The following EME2 variants were observed in gnomAD, a reference collection of about 807,000 sequenced individuals.
EME2 encodes essential meiotic structure-specific endonuclease subunit 2, also known as structure-specific endonuclease subunit EME2.
EME2 carries 58 observed loss-of-function variants against 41.9 expected under a neutral mutation model. That is an observed-to-expected ratio of 1.38 (90% confidence interval 1.12 to 1.72). The LOEUF is 1.72. EME2 is among the 40% of genes most tolerant of loss of function. The pLI, the probability that EME2 is intolerant of heterozygous loss-of-function variation, is 0.00. For missense variants in EME2, 695 were observed against 541.9 expected, an observed-to-expected ratio of 1.28 and a Z score of -2.81; for synonymous variants, 334 against 239.3, an observed-to-expected ratio of 1.40 and a Z score of -3.65.
At position 1,776,968 on chromosome 16, in the gene EME2, G is replaced by T. The variant is rs1402515814; in HGVS notation, c.*730G>T. On this transcript the variant is annotated 3_prime_UTR_variant, in exon 8 of 8. Transcript: ENST00000568449. ...GACTGTCCCAGCCTCGGGAGCAAGA[G>T]ATGGCTCCCTCCGGACGGGCCTCAT... The T allele has an allele frequency of 2.8e-6, 3 of 1,066,518 alleles. No individual in the cohort carries two copies. The highest frequency in any genetic ancestry group is 2.7e-6 in the Non-Finnish European group (2 of 748,034). The allele number at this position is 1,066,518 out of a possible 1,614,324, so 66.1% of individuals were successfully genotyped here. A position where few individuals can be genotyped will look rare whatever the true frequency, so the allele number is the denominator to read the frequency against.
chr16:1,777,650 C>A lies in EME2; in HGVS notation c.*1412C>A. 1.9e-6 allele frequency: 3 copies of A among 1,551,252 alleles called. No individual in the cohort carries two copies. The highest frequency in any genetic ancestry group is 2.6e-6 in the Non-Finnish European group (3 of 1,148,194). ...GGGGCCTCAGGCTTCTGGGAGGAAC[C>A]CTTTCAGAAAACCTCAGTGTCCCCT... On this transcript the variant is annotated 3_prime_UTR_variant, in exon 8 of 8. Transcript: ENST00000568449.
Position 1,778,602 on chromosome 16 carries a change from G to C in EME2, c.*2364G>C, listed in dbSNP as rs552854113. 10 of 1,559,554 alleles carry C rather than the reference G, an allele frequency of 6.4e-6. No individual in the cohort carries two copies. The South Asian group carries it at 1.2e-4, about 18-fold the overall frequency. On this transcript the variant is annotated 3_prime_UTR_variant, in exon 8 of 8. Coordinates refer to ENST00000568449, the MANE Select transcript of EME2 (RefSeq NM_001257370.2). The stretch of plus-strand genomic sequence containing the variant: ...CGTGGAGTACTCGGGGTCGGAGTCC[G>C]AGTCGCTGTGCTGGGAGAGAAGGGC...
At position 1,781,368 on chromosome 16, in the gene EME2, G is replaced by A; in HGVS notation, c.*5130G>A. 6.2e-7 allele frequency: 1 copy of A among 1,612,874 alleles called. No homozygotes were observed. Among genetic ancestry groups the A allele is most frequent in the Non-Finnish European group, 8.5e-7 (1 of 1,180,004 alleles). ...CCCGCTGGAACCTACCTGCCCATCA[G>A]AGTCGTAGCCCCAGTTAGTGGAGCC... On this transcript the variant is annotated 3_prime_UTR_variant, in exon 8 of 8. Transcript: ENST00000568449.
intron 3 of EME2, 124 bp downstream of exon 3, chr16:1,774,476 A>C: frequency 1.3e-6 from 1 of 746,772 alleles, no homozygotes; most frequent in Admixed American, 2.4e-5. Flanking sequence ...GCAGGCCAGG[A>C]CTCCTCTCTG....
Position 1,781,113 on chromosome 16 carries a change from A to G in EME2, c.*4875A>G. 7.0e-7 allele frequency: 1 copy of G among 1,429,352 alleles called. No homozygotes were observed. Among genetic ancestry groups the G allele is most frequent in the Non-Finnish European group, 9.3e-7 (1 of 1,070,484 alleles). The allele number at this position is 1,429,352 out of a possible 1,614,324, so 88.5% of individuals were successfully genotyped here. A position where few individuals can be genotyped will look rare whatever the true frequency, so the allele number is the denominator to read the frequency against. On this transcript the variant is annotated 3_prime_UTR_variant, in exon 8 of 8. Transcript: ENST00000568449. Reference sequence around the variant, plus strand: ...CACCATGTGTTTCAGAGGAGAAAGCACAGTGAAGAATGCAGTGTGTTCTGA... The same window carrying G: ...CACCATGTGTTTCAGAGGAGAAAGCGCAGTGAAGAATGCAGTGTGTTCTGA...
chr16:1,773,309 C>T lies in EME2; in HGVS notation c.82C>T (p.Pro28Ser), dbSNP rs1022697647. ...ACGGGGCGGGAGCGGTCAGCGGCGA[C>T]CTCCAACCTGGGAGATCTCAGACTC... ...RGRGGSGQRR[P>S]PTWEISDSDA... The change falls in exon 1 of 8, where the codon CCT becomes TCT. Residue 28 changes from proline to serine, a missense_variant. By Grantham distance (74) the Pro-to-Ser change is moderately conservative (BLOSUM62 -1). Coordinates refer to ENST00000568449, the MANE Select transcript of EME2 (RefSeq NM_001257370.2). 8 of 1,501,422 alleles carry T rather than the reference C, an allele frequency of 5.3e-6. No individual in the cohort carries two copies. The highest frequency in any genetic ancestry group is 2.9e-5 in the African/African-American group (2 of 69,160). 93.0% of individuals were successfully genotyped at this position (1,501,422 alleles called of 1,614,324 possible). A position where few individuals can be genotyped will look rare whatever the true frequency, so the allele number is the denominator to read the frequency against.
chr16:1,777,960 C>T lies in EME2; in HGVS notation c.*1722C>T. On this transcript the variant is annotated 3_prime_UTR_variant, in exon 8 of 8. Transcript: ENST00000568449. The stretch of plus-strand genomic sequence containing the variant: ...GCCTCACGCACCCGTGTAGGAGAGG[C>T]CCCAGCTGTCCTCATCCCTGCCCAG... 2 of 1,612,850 alleles carry T rather than the reference C, an allele frequency of 1.2e-6. No homozygotes were observed. Among genetic ancestry groups the T allele is most frequent in the Non-Finnish European group, 1.7e-6 (2 of 1,179,934 alleles).
rs2042755034 is a variant in EME2 at position 1,778,990 on chromosome 16, C to G, written c.*2752C>G. The G allele has an allele frequency of 1.0e-5, 2 of 193,176 alleles. No homozygotes were observed. The allele number at this position is 193,176 out of a possible 1,614,324, so 12.0% of individuals were successfully genotyped here. On this transcript the variant is annotated 3_prime_UTR_variant, in exon 8 of 8. Coordinates refer to ENST00000568449, the MANE Select transcript of EME2 (RefSeq NM_001257370.2). ...CCCCCAGGCAAGGCCACCACCCCCA[C>G]ACCAGGCCCAGCTGCAGCCACCCGG... is the stretch of plus-strand genomic sequence containing the variant.
In EME2 at chr16:1,781,265, G is replaced by A. The variant is rs760036745; in HGVS notation, c.*5027G>A. On this transcript the variant is annotated 3_prime_UTR_variant, in exon 8 of 8. Transcript: ENST00000568449. ...TAGCCTCAGAAGCATCTTTTTCTCCGACTGATTCCGTGTTCAGGTAATGTC... is the reference window on the plus strand; with the variant it reads ...TAGCCTCAGAAGCATCTTTTTCTCCAACTGATTCCGTGTTCAGGTAATGTC... The A allele has an allele frequency of 8.1e-6, 13 of 1,608,958 alleles. No homozygotes were observed. Among genetic ancestry groups the A allele is most frequent in the Admixed American group, 5.0e-5 (3 of 59,918 alleles).
At position 1,773,384 on chromosome 16, in the gene EME2, C is replaced by A; in HGVS notation, c.157C>A (p.Pro53Thr). 1 of 1,553,772 alleles carries A rather than the reference C, an allele frequency of 6.4e-7. No individual in the cohort carries two copies. The highest frequency in any genetic ancestry group is 8.6e-7 in the Non-Finnish European group (1 of 1,159,698). Residue 53 changes from proline to threonine, a missense_variant, in exon 1 of 8, where the codon CCA becomes ACA. By Grantham distance (38) the Pro-to-Thr change is conservative. Coordinates refer to ENST00000568449, the MANE Select transcript of EME2 (RefSeq NM_001257370.2). ...GGAGGCCGCCGCGAGAGCCCGGGAC[C>A]CAGCGGGTGAGCGCAGGGCGGCTGC... ...GSEAAARARDPAGERRAAAEA... is the reference protein window; with the variant it reads ...GSEAAARARDTAGERRAAAEA...
Position 1,775,883 on chromosome 16 carries a change from T to G in EME2, c.866T>G (p.Leu289Arg). The G allele has an allele frequency of 6.2e-7, 1 of 1,612,548 alleles. No individual in the cohort carries two copies. Among genetic ancestry groups the G allele is most frequent in the Non-Finnish European group, 8.5e-7 (1 of 1,179,828 alleles). Residue 289 changes from leucine (L) to arginine (R), a missense_variant, in exon 7 of 8, where the codon CTG becomes CGG. By Grantham distance (102) the Leu-to-Arg change is moderately radical (BLOSUM62 -2). Transcript: ENST00000568449. The part of the protein sequence containing the change: ...GEPVARDGAG[L>R]QAAWRRQIRQ... ...CCAGTGGCAAGAGACGGCGCAGGGCTGCAGGCGGCCTGGCGGAGGCAGATC... is the reference window on the plus strand; with the variant it reads ...CCAGTGGCAAGAGACGGCGCAGGGCGGCAGGCGGCCTGGCGGAGGCAGATC...
rs1012007913 is a variant in EME2 at position 1,774,434 on chromosome 16, G to A, written c.477+82G>A. 4 of 1,180,226 alleles carry A rather than the reference G, an allele frequency of 3.4e-6. No individual in the cohort carries two copies. In the African/African-American group the frequency reaches 6.0e-5, roughly 18 times the overall value. 73.1% of individuals were successfully genotyped at this position (1,180,226 alleles called of 1,614,324 possible). ...GGAGGCGCCTGCTCCGCCGGTCCCTGCCCCTGTAGACGGGGCTGGAGGGGG... is the reference window on the plus strand; with the variant it reads ...GGAGGCGCCTGCTCCGCCGGTCCCTACCCCTGTAGACGGGGCTGGAGGGGG... On this transcript the variant is annotated intron_variant, in intron 3 of 7. Coordinates refer to ENST00000568449, the MANE Select transcript of EME2 (RefSeq NM_001257370.2).
At chr16:1,775,259 A>G (rs765348209) in intron 4 of EME2, 56 bp from the exon 5 acceptor site, 5 of 1,600,756 alleles carry the variant, frequency 3.1e-6, no homozygotes, top group East Asian at 2.2e-5. Flanking sequence ...GCAGAGGCCA[A>G]GCTCGGGCAG....
At position 1,773,016 on chromosome 16, in the gene EME2, G is replaced by C; in HGVS notation, c.-212G>C. On this transcript the variant is annotated 5_prime_UTR_variant, in exon 1 of 8. Transcript: ENST00000568449. ...CCGCGTCAAGGTCTCGTAGTCCACC[G>C]CGTAGAGCTGGGAGTCGCGCGGCCT... 6.9e-7 allele frequency: 1 copy of C among 1,455,498 alleles called. No individual in the cohort carries two copies. Among genetic ancestry groups the C allele is most frequent in the South Asian group, 1.4e-5 (1 of 71,668 alleles). The allele number at this position is 1,455,498 out of a possible 1,614,324, so 90.2% of individuals were successfully genotyped here. A position where few individuals can be genotyped will look rare whatever the true frequency, so the allele number is the denominator to read the frequency against.
chr16:1,780,012 G>C lies in EME2; in HGVS notation c.*3774G>C, dbSNP rs567339071. 1.2e-4 allele frequency: 18 copies of C among 152,452 alleles called. No individual in the cohort carries two copies. The highest frequency in any genetic ancestry group is 3.6e-4 in the African/African-American group (15 of 41,588). The allele number at this position is 152,452 out of a possible 1,614,324, so 9.4% of individuals were successfully genotyped here. ...CTAATGGACCCACCGGGCTTAGGGA[G>C]TCCTCACTCAGAGGAGAGGAGCCCA... On this transcript the variant is annotated 3_prime_UTR_variant, in exon 8 of 8. Transcript: ENST00000568449.
In EME2 at chr16:1,773,475, G is replaced by C; in HGVS notation, c.247+1G>C. On this transcript the variant is annotated splice_donor_variant, in intron 1 of 7. Transcript: ENST00000568449. LOFTEE classifies it high-confidence loss of function. ...CGCCTCGCGGTGTGCGTGGACACAGGTGCGGCGGAGGGCACGGGCGATACT... is the reference window on the plus strand; with the variant it reads ...CGCCTCGCGGTGTGCGTGGACACAGCTGCGGCGGAGGGCACGGGCGATACT... 6.3e-7 allele frequency: 1 copy of C among 1,579,538 alleles called. No individual in the cohort carries two copies. Among genetic ancestry groups the C allele is most frequent in the Non-Finnish European group, 8.5e-7 (1 of 1,172,034 alleles).
Position 1,776,320 on chromosome 16 carries a change from C to T in EME2, c.*82C>T. The T allele has an allele frequency of 7.0e-7, 1 of 1,429,994 alleles. No homozygotes were observed. The highest frequency in any genetic ancestry group is 1.8e-5 in the Admixed American group (1 of 54,366). The allele number at this position is 1,429,994 out of a possible 1,614,324, so 88.6% of individuals were successfully genotyped here. ...GGCGGTGGGGGAGGACCCCCAGCCA[C>T]ATGTGGACCCTCAGCCTGGGTGGGT... On this transcript the variant is annotated 3_prime_UTR_variant, in exon 8 of 8. Transcript: ENST00000568449.
At chr16:1,773,874 C>T (rs761833968) in intron 2 of EME2, 33 bp downstream of exon 2, 36 of 1,514,088 alleles carry the variant, frequency 2.4e-5, no homozygotes, top group South Asian at 1.0e-4. Context: ...GGGCCAGCCG[C>T]GAGTTGGCTG....
In EME2 at chr16:1,778,039, T is replaced by C. The variant is rs768377399; in HGVS notation, c.*1801T>C. ...TCCAGGTCCACATCCGACGTCCCGA[T>C]GCCCACCATCTAGGAACAGGGGCCA... On this transcript the variant is annotated 3_prime_UTR_variant, in exon 8 of 8. Transcript: ENST00000568449. 3.7e-6 allele frequency: 6 copies of C among 1,613,078 alleles called. No individual in the cohort carries two copies. The highest frequency in any genetic ancestry group is 3.3e-5 in the Admixed American group (2 of 60,004).
Sources: gnomAD v4.1 joint callset for allele counts on GRCh38, gnomAD v4.1.1 for gene constraint, MANE v1.5 for transcripts, NCBI Gene and HGNC (gene_info 2026-07-23, HGNC 2026-07-21) for gene names.